COLEC11: variants seen among roughly 807,000 people sequenced by gnomAD.
The protein encoded by COLEC11 is collectin-11.
Under a neutral mutation model 27.3 loss-of-function variants are expected in COLEC11, and 20 were observed. The ratio of observed to expected loss-of-function variants is 0.73; its 90% CI spans 0.51 to 1.06. The LOEUF is 1.06. COLEC11 is among the 50% of genes least tolerant of loss of function. The pLI is 0.00. For synonymous variants in COLEC11, 163 were observed against 154.7 expected, an observed-to-expected ratio of 1.05 and a Z score of -0.40; for missense variants, 310 against 383.0, an observed-to-expected ratio of 0.81 and a Z score of 1.59.
chr2:3,596,125 C>T (rs555771882), intron 1 of COLEC11, among the ~76,000 whole-genome samples: 3 of 152,182 alleles, frequency 2.0e-5, no homozygotes, highest in Non-Finnish European at 4.4e-5. Context: ...CAGGCTGCCC[C>T]AGAAGGTGCT....
At chr2:3,601,733 G>C in intron 1 of COLEC11, among the ~76,000 whole-genome samples, 1 of 152,198 alleles carries the variant, frequency 6.6e-6, no homozygotes, top group African/African-American at 2.4e-5. Flanking sequence ...TCCCACGCGC[G>C]TGCCCAAGCC....
intron 1 of COLEC11, among the ~76,000 whole-genome samples, chr2:3,598,011 C>T (rs915227434): frequency 1.3e-5 from 2 of 152,138 alleles, no homozygotes; most frequent in Admixed American, 6.5e-5. Flanking sequence ...TCTCGACTCA[C>T]TGCAACCTCC....
intron 1 of COLEC11, 117 bp from the exon 2 acceptor site, chr2:3,604,198 C>A: frequency 8.9e-7 from 1 of 1,126,200 alleles, no homozygotes; most frequent in Non-Finnish European, 1.3e-6. Context: ...CATGGGGGCC[C>A]AGACAGCCCT....
At chr2:3,600,704 C>CACTATAGG (rs1231245156) in intron 1 of COLEC11, among the ~76,000 whole-genome samples, 3 of 152,198 alleles carry the variant, frequency 2.0e-5, no homozygotes, top group Non-Finnish European at 4.4e-5. Flanking sequence ...GAGGCAGGTG[C>CACTATAGG]ACTCACCAGT....
intron 3 of COLEC11, among the ~76,000 whole-genome samples, chr2:3,626,772 G>A (rs1417134860): frequency 2.0e-5 from 3 of 152,262 alleles, no homozygotes. Context: ...TTAGGTCAAA[G>A]AGAGAATGGA....
At chr2:3,615,876 C>T (rs1459411420) in intron 3 of COLEC11, among the ~76,000 whole-genome samples, 2 of 130,926 alleles carry the variant, frequency 1.5e-5, no homozygotes, top group African/African-American at 3.3e-5. Context: ...CCCTCCCGGA[C>T]GCGGCGGCTG....
chr2:3,635,274 A>ACTGCCTCCTGGGTGT, intron 3 of COLEC11, among the ~76,000 whole-genome samples: 1 of 151,860 alleles, frequency 6.6e-6, no homozygotes, highest in African/African-American at 2.4e-5. Flanking sequence ...TTCTGCCAAC[A>ACTGCCTCCTGGGTGT]CTGCCTCCTG....
At chr2:3,608,893 CA>C (rs1662949981) in intron 2 of COLEC11, among the ~76,000 whole-genome samples, 1 of 152,254 alleles carries the variant, frequency 6.6e-6, no homozygotes, top group Admixed American at 6.5e-5. Context: ...TTTCTCGTGA[CA>C]ACCAGCACGG....
intron 1 of COLEC11, among the ~76,000 whole-genome samples, chr2:3,600,342 C>T (rs1333054717): frequency 6.6e-6 from 1 of 152,020 alleles, no homozygotes; most frequent in Non-Finnish European, 1.5e-5. Flanking sequence ...ATCACTTCAG[C>T]CCAGGAGTTT....
intron 2 of COLEC11, among the ~76,000 whole-genome samples, chr2:3,609,823 C>T (rs1212248039): frequency 6.6e-6 from 1 of 152,140 alleles, no homozygotes; most frequent in East Asian, 1.9e-4. Flanking sequence ...AGCCACCATG[C>T]CCAACCCCTG....
chr2:3,637,310 CT>C (rs1665494153), intron 3 of COLEC11, among the ~76,000 whole-genome samples: 1 of 152,192 alleles, frequency 6.6e-6, no homozygotes, highest in African/African-American at 2.4e-5. Context: ...TGTATGACTT[CT>C]GGGGGAAGTG....
At chr2:3,608,789 G>T (rs1004111474) in intron 2 of COLEC11, among the ~76,000 whole-genome samples, 2 of 152,264 alleles carry the variant, frequency 1.3e-5, no homozygotes, top group Non-Finnish European at 2.9e-5. Context: ...GACGGGGACC[G>T]TGGAGAAACC....
At chr2:3,605,973 T>G in intron 2 of COLEC11, 1 of 1,297,832 alleles carries the variant, frequency 7.7e-7, no homozygotes, top group Non-Finnish European at 1.0e-6. Context: ...GTGCTTTTAA[T>G]TGTGATAAAT....
chr2:3,605,731 A>G (rs1003009035), intron 2 of COLEC11: 4 of 215,524 alleles, frequency 1.9e-5, no homozygotes, highest in African/African-American at 9.3e-5. Flanking sequence ...CATTAGAGAA[A>G]AGTAGATTCA....
chr2:3,623,046 G>C (rs1303706332), intron 3 of COLEC11, among the ~76,000 whole-genome samples: 1 of 152,062 alleles, frequency 6.6e-6, no homozygotes, highest in African/African-American at 2.4e-5. Context: ...ATTTTTGAAG[G>C]ATGGCTTTGT....
intron 3 of COLEC11, among the ~76,000 whole-genome samples, chr2:3,634,817 CTCTGG>C (rs1665266756): frequency 1.3e-5 from 2 of 151,986 alleles, no homozygotes; most frequent in African/African-American, 4.8e-5. Flanking sequence ...GCAGGGCCCC[CTCTGG>C]TGTGGGGGCC....
intron 3 of COLEC11, among the ~76,000 whole-genome samples, chr2:3,628,114 C>A (rs17017771): frequency 1.3e-5 from 2 of 152,212 alleles, no homozygotes; most frequent in African/African-American, 4.8e-5. Context: ...TGAGACCTGA[C>A]GTTTGGAAGG....
At chr2:3,603,919 C>G in intron 1 of COLEC11, 1 of 581,634 alleles carries the variant, frequency 1.7e-6, no homozygotes, top group Non-Finnish European at 3.1e-6. Context: ...AGCTGTATCT[C>G]AGCCTCCCTC....
At chr2:3,612,304 C>T (rs954560409) in intron 2 of COLEC11, among the ~76,000 whole-genome samples, 1 of 152,128 alleles carries the variant, frequency 6.6e-6, no homozygotes, top group African/African-American at 2.4e-5. Flanking sequence ...TGCAACCATT[C>T]AGAGGAGGGA....
Sources: gnomAD v4.1 joint callset for allele counts (sites outside exome capture counted in the v4.1 genomes callset) on GRCh38, gnomAD v4.1.1 for gene constraint, MANE v1.5 for transcripts, NCBI Gene and HGNC (gene_info 2026-07-23, HGNC 2026-07-21) for gene names.